The following PRDX3 variants were observed in gnomAD, a reference collection of about 807,000 sequenced individuals.
The protein encoded by PRDX3 is peroxiredoxin 3, also known as thioredoxin-dependent peroxide reductase, mitochondrial.
PRDX3 carries 20 observed loss-of-function variants against 30.4 expected under a neutral mutation model. The ratio of observed to expected loss-of-function variants is 0.66; its 90% CI spans 0.46 to 0.96. The LOEUF (loss-of-function observed/expected upper bound fraction) is 0.96, where lower values mean the gene tolerates loss of function less well. Among genes scored for constraint, PRDX3 ranks in the 40% least tolerant of loss-of-function variants. The pLI is 0.00. For synonymous variants in PRDX3, 124 were observed against 117.8 expected (o/e 1.05, Z -0.34); for missense variants, 322 against 318.3 (o/e 1.01, Z -0.09).
intron 4 of PRDX3, 125 bp downstream of exon 4, chr10:119,173,609 CAAA>C (rs982971792): frequency 2.4e-5 from 23 of 958,662 alleles, no homozygotes; most frequent in African/African-American, 2.0e-4. Flanking sequence ...AGCTCCGTCT[CAAA>C]AAAAAAAAAA....
chr10:119,171,262 G>A (rs34023076), intron 5 of PRDX3, among the ~76,000 whole-genome samples: 33 of 151,994 alleles, frequency 2.2e-4, no homozygotes, highest in African/African-American at 7.0e-4. Flanking sequence ...GGATGGTCTC[G>A]ATCTCTTGAC....
chr10:119,175,322 G>C (rs1440995896), intron 2 of PRDX3, among the ~76,000 whole-genome samples: 2 of 152,212 alleles, frequency 1.3e-5, no homozygotes, highest in African/African-American at 4.8e-5. Context: ...GTGAAGAGCA[G>C]GCAGCAGGCA....
chr10:119,174,418 A>G, intron 3 of PRDX3, 33 bp downstream of exon 3: 9 of 1,575,046 alleles, frequency 5.7e-6, no homozygotes, highest in Non-Finnish European at 6.9e-6. Context: ...TGCTCTCAGA[A>G]TGACACGAAA....
intron 5 of PRDX3, chr10:119,169,780 G>A (rs1394693120): frequency 6.5e-6 from 1 of 153,230 alleles, no homozygotes; most frequent in Non-Finnish European, 1.5e-5. Context: ...ATGAATTATT[G>A]GGTAAATGGG....
chr10:119,172,293 C>T, intron 5 of PRDX3, 89 bp downstream of exon 5: 1 of 1,168,212 alleles, frequency 8.6e-7, no homozygotes, highest in Non-Finnish European at 1.3e-6. Context: ...TTTAAAAATG[C>T]TTTACCAAGG....
rs539697743 is a variant in PRDX3 at position 119,177,068 on chromosome 10, G to C, written c.122C>G (p.Thr41Arg). The stretch of plus-strand genomic sequence containing the variant: ...ACTGGAACCAGAACACAATAAATTT[G>C]TCAAGCTCGTTCTTCCACATGCAGC... ...RPAACGRTSL[T>R]NLLCSGSSQA... Residue 41 changes from threonine (T) to arginine (R), a missense_variant, in exon 2 of 7, where the codon ACA becomes AGA. Physicochemically the swap from Thr to Arg is moderately conservative, Grantham distance 71. Transcript: ENST00000298510. 12 of 1,614,092 alleles carry C rather than the reference G, an allele frequency of 7.4e-6. No individual in the cohort carries two copies. The South Asian group carries it at 1.3e-4, about 18-fold the overall frequency.
chr10:119,176,763 C>T lies in PRDX3; in HGVS notation c.169+258G>A, dbSNP rs1848037142. Reference sequence around the variant, plus strand: ...CCTCCTCAACACAGTGGATTAGAAACTCTGACAACCAACATGGAAATGTGA... The same window carrying T: ...CCTCCTCAACACAGTGGATTAGAAATTCTGACAACCAACATGGAAATGTGA... On this transcript the variant is annotated intron_variant, in intron 2 of 6. Coordinates refer to ENST00000298510, the MANE Select transcript of PRDX3 (RefSeq NM_006793.5). Among the ~76,000 whole-genome samples the T allele has an allele frequency of 2.6e-5, 4 of 152,344 alleles. No homozygotes were observed. The South Asian group carries it at 8.3e-4, about 32-fold the overall frequency.
At chr10:119,168,970 CAAAA>C (rs34820945) in intron 6 of PRDX3, among the ~76,000 whole-genome samples, 3 of 133,554 alleles carry the variant, frequency 2.2e-5, no homozygotes, top group African/African-American at 2.8e-5. Context: ...GACTCCGTCT[CAAAA>C]AAAAAAAAAA....
chr10:119,173,159 C>T (rs1017321947), intron 4 of PRDX3, among the ~76,000 whole-genome samples: 4 of 151,996 alleles, frequency 2.6e-5, no homozygotes, highest in African/African-American at 9.7e-5. Flanking sequence ...AGGATGGTCT[C>T]GATCTCCTGA....
Position 119,173,730 on chromosome 10 carries a change from G to GC in PRDX3, c.447+6dup, listed in dbSNP as rs1564838131. 6.2e-7 allele frequency: 1 copy of GC among 1,611,330 alleles called. No homozygotes were observed. Among genetic ancestry groups the GC allele is most frequent in the African/African-American group, 1.3e-5 (1 of 74,934 alleles). On this transcript the variant is annotated splice_region_variant and intron_variant, in intron 4 of 6. Coordinates refer to ENST00000298510, the MANE Select transcript of PRDX3 (RefSeq NM_006793.5). The stretch of plus-strand genomic sequence containing the variant: ...TAAGAGCAAAAGCTAGGGGTACAAT[G>GC]CCATACCTTTCTTGGTGTATTTATC...
chr10:119,170,838 T>C (rs1847887573), intron 5 of PRDX3: 1 of 143,452 alleles, frequency 7.0e-6, no homozygotes, highest in Admixed American at 7.2e-5. Flanking sequence ...GAGGTTGCAG[T>C]GAGCCGAGAT....
In PRDX3 at chr10:119,177,009, CA is replaced by C. The variant is rs765635708; in HGVS notation, c.169+11del. On this transcript the variant is annotated intron_variant, in intron 2 of 6. Coordinates refer to ENST00000298510, the MANE Select transcript of PRDX3 (RefSeq NM_006793.5). The stretch of plus-strand genomic sequence containing the variant: ...TTACCTGGCTCCAGCCAAGACATGA[CA>C]TAACACTTACTGGTGCTGAATAATT... 2.5e-6 allele frequency: 4 copies of C among 1,613,874 alleles called. No individual in the cohort carries two copies. The Admixed American group carries it at 6.7e-5, about 27-fold the overall frequency.
chr10:119,168,333 CA>C lies in PRDX3; in HGVS notation c.*146del. 6.8e-7 allele frequency: 1 copy of C among 1,464,806 alleles called. No individual in the cohort carries two copies. Among genetic ancestry groups the C allele is most frequent in the South Asian group, 1.3e-5 (1 of 74,326 alleles). 90.7% of individuals were successfully genotyped at this position (1,464,806 alleles called of 1,614,324 possible). On this transcript the variant is annotated 3_prime_UTR_variant, in exon 7 of 7. Coordinates refer to ENST00000298510, the MANE Select transcript of PRDX3 (RefSeq NM_006793.5). ...GTTTAAAAGGTCTTAGCCAGAATTACAAAAACAAAACATTTAGAGTAATACT... is the reference window on the plus strand; with the variant it reads ...GTTTAAAAGGTCTTAGCCAGAATTACAAAACAAAACATTTAGAGTAATACT...
intron 1 of PRDX3, 115 bp from the exon 2 acceptor site, chr10:119,177,268 A>AC (rs1848057338): frequency 4.0e-6 from 4 of 1,000,800 alleles, no homozygotes; most frequent in Non-Finnish European, 4.5e-6. Context: ...CAAATAGCAA[A>AC]CCCCAAACTC....
chr10:119,173,765 T>C lies in PRDX3; in HGVS notation c.419A>G (p.His140Arg). 1.2e-6 allele frequency: 2 copies of C among 1,612,420 alleles called. No individual in the cohort carries two copies. The highest frequency in any genetic ancestry group is 1.7e-6 in the Non-Finnish European group (2 of 1,179,948). The change falls in exon 4 of 7, where the codon CAT (histidine) becomes CGT (arginine). Residue 140 changes from histidine (H) to arginine (R), a missense_variant. Physicochemically the swap from His to Arg is conservative, Grantham distance 29. Coordinates refer to ENST00000298510, the MANE Select transcript of PRDX3 (RefSeq NM_006793.5). ...TCTTGGTGTATTTATCCAGGCAAGATGGCTAAAGTGGGAATCCACTGAGAC... is the reference window on the plus strand; with the variant it reads ...TCTTGGTGTATTTATCCAGGCAAGACGGCTAAAGTGGGAATCCACTGAGAC... ...VAVSVDSHFS[H>R]LAWINTPRKN...
At chr10:119,172,171 T>C (rs896302279) in intron 5 of PRDX3, among the ~76,000 whole-genome samples, 2 of 152,224 alleles carry the variant, frequency 1.3e-5, no homozygotes, top group African/African-American at 2.4e-5. Context: ...GGTCTCACTA[T>C]GTTGCCCAGG....
intron 2 of PRDX3, 183 bp from the exon 3 acceptor site, chr10:119,174,775 G>A: frequency 1.9e-6 from 1 of 527,690 alleles, no homozygotes; most frequent in Non-Finnish European, 3.2e-6. Flanking sequence ...TTGGTTCTAG[G>A]ATATCGAAAT....
chr10:119,178,316 G>A lies in PRDX3; in HGVS notation c.36+439C>T, dbSNP rs34364753. Among the ~76,000 whole-genome samples, 511 of 152,324 alleles carry A rather than the reference G, an allele frequency of 3.4e-3. 8 individuals are homozygous for A. Among genetic ancestry groups the A allele is most frequent in the Admixed American group, 0.027 (409 of 15,302 alleles). ...GAAACACGCGGGAGTGGGATTGGGA[G>A]GGAAAGCCTTTGTGAGTTTTTTAGC... is the stretch of plus-strand genomic sequence containing the variant. On this transcript the variant is annotated intron_variant, in intron 1 of 6. Transcript: ENST00000298510.
chr10:119,171,183 G>T (rs886588777), intron 5 of PRDX3, among the ~76,000 whole-genome samples: 1 of 152,040 alleles, frequency 6.6e-6, no homozygotes, highest in Non-Finnish European at 1.5e-5. Flanking sequence ...TGGGACTACA[G>T]GCGCCCACCA....
Sources: allele counts gnomAD v4.1 joint callset (sites outside exome capture counted in the v4.1 genomes callset), GRCh38; gene constraint gnomAD v4.1.1; transcripts MANE v1.5; gene names NCBI Gene and HGNC (gene_info 2026-07-23, HGNC 2026-07-21).